Variants in C10orf143 observed in about 807,000 individuals in gnomAD.
C10orf143 encodes uncharacterized protein C10orf143.
intron 3 of C10orf143, among the ~76,000 whole-genome samples, chr10:130,043,652 C>T (rs1860632615): frequency 6.6e-6 from 1 of 152,240 alleles, no homozygotes; most frequent in African/African-American, 2.4e-5. Flanking sequence ...GTGCCCTGCT[C>T]TCCCGCTGAG....
At chr10:130,107,758 A>C (rs1215815195) in intron 1 of C10orf143, 1 of 1,236,504 alleles carries the variant, frequency 8.1e-7, no homozygotes. Context: ...TTACCAAGGA[A>C]AGAGGAGAAT....
chr10:130,073,003 G>A (rs1398638825), intron 3 of C10orf143, among the ~76,000 whole-genome samples: 1 of 152,334 alleles, frequency 6.6e-6, no homozygotes, highest in East Asian at 1.9e-4. Flanking sequence ...AATAAAATGA[G>A]TTGTGCCCGT....
At chr10:130,106,517 A>C (rs1286783463) in intron 1 of C10orf143, 1 of 1,599,750 alleles carries the variant, frequency 6.3e-7, no homozygotes, top group Non-Finnish European at 8.5e-7. Context: ...AGAGAAATCT[A>C]AACATTCGCA....
intron 1 of C10orf143, chr10:130,106,247 A>G (rs1213557739): frequency 6.8e-7 from 1 of 1,467,380 alleles, no homozygotes; most frequent in Non-Finnish European, 9.5e-7. Context: ...ATCGGTTAGG[A>G]GTCGGCTTTA....
downstream of C10orf143, among the ~76,000 whole-genome samples, chr10:130,059,662 T>C (rs1437506640): frequency 6.6e-6 from 1 of 152,176 alleles, no homozygotes; most frequent in Non-Finnish European, 1.5e-5. Context: ...GGGAAGCAGA[T>C]AAAACCTCAG....
At chr10:130,099,182 G>T (rs188312731) in intron 1 of C10orf143, among the ~76,000 whole-genome samples, 1 of 152,164 alleles carries the variant, frequency 6.6e-6, no homozygotes, top group Non-Finnish European at 1.5e-5. Flanking sequence ...AATTATCATT[G>T]ATCAATTTCC....
chr10:130,079,653 A>C (rs1027654567), intron 2 of C10orf143, 25 bp from the exon 3 acceptor site: 17 of 398,960 alleles, frequency 4.3e-5, no homozygotes, highest in Non-Finnish European at 7.1e-5. Flanking sequence ...ACAGTTGCAG[A>C]TATATCAGAA....
chr10:130,080,987 A>C (rs1450931223), intron 1 of C10orf143, among the ~76,000 whole-genome samples: 1 of 152,210 alleles, frequency 6.6e-6, no homozygotes, highest in African/African-American at 2.4e-5. Context: ...TTAAATAATA[A>C]AACAGGGGAC....
chr10:130,096,858 A>AG (rs985677533), intron 1 of C10orf143, among the ~76,000 whole-genome samples: 15 of 150,726 alleles, frequency 1.0e-4, no homozygotes, highest in Admixed American at 2.6e-4. Flanking sequence ...ATTAAAAAAA[A>AG]AAAGAAAACG....
intron 1 of C10orf143, among the ~76,000 whole-genome samples, chr10:130,102,560 C>T (rs1861575203): frequency 6.6e-6 from 1 of 152,180 alleles, no homozygotes; most frequent in Non-Finnish European, 1.5e-5. Context: ...AGGCGTGAGC[C>T]ACTGCACTGG....
At chr10:130,078,156 T>C (rs527505161) in intron 3 of C10orf143, among the ~76,000 whole-genome samples, 1 of 152,330 alleles carries the variant, frequency 6.6e-6, no homozygotes, top group South Asian at 2.1e-4. Context: ...GTACTGTTGT[T>C]CAAACAGAAT....
intron 1 of C10orf143, among the ~76,000 whole-genome samples, chr10:130,105,647 T>C (rs1861628449): frequency 6.6e-6 from 1 of 152,060 alleles, no homozygotes; most frequent in Non-Finnish European, 1.5e-5. Context: ...AGAGAATCGC[T>C]TCAACCCAGG....
intron 3 of C10orf143, among the ~76,000 whole-genome samples, chr10:130,054,977 T>C (rs564851566): frequency 6.6e-6 from 1 of 152,234 alleles, no homozygotes; most frequent in Non-Finnish European, 1.5e-5. Flanking sequence ...CTCCAACAAA[T>C]GGTATTGAGA....
At chr10:130,073,505 T>C (rs1283822749) in intron 3 of C10orf143, among the ~76,000 whole-genome samples, 1 of 152,126 alleles carries the variant, frequency 6.6e-6, no homozygotes, top group Non-Finnish European at 1.5e-5. Flanking sequence ...CTGGGTGCAA[T>C]CTAGGACCAA....
chr10:130,105,220 G>A (rs547618155), intron 1 of C10orf143, among the ~76,000 whole-genome samples: 2 of 152,110 alleles, frequency 1.3e-5, no homozygotes, highest in Non-Finnish European at 2.9e-5. Flanking sequence ...GAGCCACTGC[G>A]CCCGGCCTGC....
intron 1 of C10orf143, among the ~76,000 whole-genome samples, chr10:130,103,705 G>A (rs1945778005): frequency 6.6e-6 from 1 of 151,332 alleles, no homozygotes; most frequent in African/African-American, 2.5e-5. Flanking sequence ...AGCTACTCAG[G>A]AGGCTGAGGC....
At chr10:130,041,207 G>T (rs141436167) in intron 3 of C10orf143, among the ~76,000 whole-genome samples, 2 of 152,354 alleles carry the variant, frequency 1.3e-5, no homozygotes, top group African/African-American at 4.8e-5. Flanking sequence ...CCTAAATACC[G>T]AGGCTCTGGT....
In C10orf143 at chr10:130,047,845, A is replaced by T. The variant is rs1382158604; in HGVS notation, c.298-11875T>A. On this transcript the variant is annotated intron_variant and NMD_transcript_variant, in intron 3 of 5. Transcript: ENST00000643056. The stretch of plus-strand genomic sequence containing the variant: ...ATTTCCATAAAGACCCACTGGAAAC[A>T]TTTTTTTTTTTCGGATTTATCACCA... Among the ~76,000 whole-genome samples, 5 of 149,906 alleles carry T rather than the reference A, an allele frequency of 3.3e-5. No homozygotes were observed. In the South Asian group the frequency reaches 6.3e-4, roughly 19 times the overall value.
At position 130,077,407 on chromosome 10, in the gene C10orf143, G is replaced by T. The variant is rs548452489; in HGVS notation, c.297+2159C>A. Among the ~76,000 whole-genome samples, 7 of 152,276 alleles carry T rather than the reference G, an allele frequency of 4.6e-5. No individual in the cohort carries two copies. The South Asian group carries it at 1.5e-3, about 32-fold the overall frequency. ...GTCAAAAATACACTAGAGAATTCAG[G>T]ATGCAAGGGAGCTTACTGGAGAACA... is the stretch of plus-strand genomic sequence containing the variant. On this transcript the variant is annotated intron_variant, in intron 3 of 3. Coordinates refer to ENST00000637128, the MANE Select transcript of C10orf143 (RefSeq NM_001355042.2).
Sources: gnomAD v4.1 joint callset for allele counts (sites outside exome capture counted in the v4.1 genomes callset) on GRCh38, gnomAD v4.1.1 for gene constraint, MANE v1.5 for transcripts, NCBI Gene and HGNC (gene_info 2026-07-23, HGNC 2026-07-21) for gene names.